The following WDR27 variants were observed in gnomAD, a reference collection of about 807,000 sequenced individuals.
The protein encoded by WDR27 is WD repeat-containing protein 27.
WDR27 carries 100 observed loss-of-function variants against 114.4 expected under a neutral mutation model. The ratio of observed to expected loss-of-function variants is 0.87; its 90% CI spans 0.74 to 1.03. WDR27 has a LOEUF of 1.03. WDR27 is among the 50% of genes least tolerant of loss of function. The probability of loss-of-function intolerance (pLI) is 0.00; values close to 1 mark genes in which losing one functional copy is unlikely to be tolerated. For synonymous variants in WDR27, 449 were observed against 423.1 expected (o/e 1.06, Z -0.75); for missense variants, 1,129 against 1,092.9 (o/e 1.03, Z -0.47).
intron 2 of WDR27, among the ~76,000 whole-genome samples, chr6:169,688,563 C>G (rs1783654245): frequency 6.6e-6 from 1 of 151,842 alleles, no homozygotes; most frequent in Admixed American, 6.6e-5. Context: ...TAAGATGAAC[C>G]TTTTCAATCA....
downstream of WDR27, among the ~76,000 whole-genome samples, chr6:169,453,305 C>T (rs1301978943): frequency 6.6e-6 from 1 of 152,116 alleles, no homozygotes; most frequent in Non-Finnish European, 1.5e-5. Flanking sequence ...ATCCCATTTT[C>T]CAAGACTCAG....
intron 25 of WDR27, among the ~76,000 whole-genome samples, chr6:169,507,881 C>G (rs1792216954): frequency 6.6e-6 from 1 of 152,218 alleles, no homozygotes. Flanking sequence ...AGCTTCACAA[C>G]TGTGCTAGCC....
At chr6:169,674,090 T>C (rs1779474602) in intron 2 of WDR27, among the ~76,000 whole-genome samples, 1 of 152,194 alleles carries the variant, frequency 6.6e-6, no homozygotes, top group Non-Finnish European at 1.5e-5. Flanking sequence ...GAAGCTAACA[T>C]AAATCTGATT....
At chr6:169,678,017 G>A (rs767847369) in intron 2 of WDR27, among the ~76,000 whole-genome samples, 10 of 152,246 alleles carry the variant, frequency 6.6e-5, no homozygotes, top group Non-Finnish European at 1.5e-4. Flanking sequence ...AGCCTTCACA[G>A]AGAGCTTCTA....
intron 25 of WDR27, among the ~76,000 whole-genome samples, chr6:169,526,865 C>T (rs1053399003): frequency 6.6e-6 from 1 of 152,046 alleles, no homozygotes; most frequent in African/African-American, 2.4e-5. Flanking sequence ...AGACATTTCT[C>T]CAAAGAAGAT....
At chr6:169,502,074 C>A (rs542068007) in intron 25 of WDR27, among the ~76,000 whole-genome samples, 3 of 152,350 alleles carry the variant, frequency 2.0e-5, no homozygotes, top group South Asian at 2.1e-4. Context: ...CACCTCCCCC[C>A]AGGCTAGGGC....
At chr6:169,506,038 C>G (rs1039708133) in intron 25 of WDR27, among the ~76,000 whole-genome samples, 2 of 152,208 alleles carry the variant, frequency 1.3e-5, no homozygotes, top group African/African-American at 4.8e-5. Flanking sequence ...CAGAAGTTAA[C>G]TCTACAGCAG....
chr6:169,584,053 A>ATATCTCCC (rs1804087084), intron 23 of WDR27, among the ~76,000 whole-genome samples: 1 of 20,296 alleles, frequency 4.9e-5, no homozygotes, highest in East Asian at 2.6e-3. Flanking sequence ...CCTTTGACCC[A>ATATCTCCC]CATCTCCCCC....
chr6:169,679,654 C>T (rs1315671692), intron 2 of WDR27, among the ~76,000 whole-genome samples: 1 of 152,192 alleles, frequency 6.6e-6, no homozygotes, highest in Non-Finnish European at 1.5e-5. Flanking sequence ...AGTACCTGCT[C>T]CCTCTTCACC....
intron 24 of WDR27, among the ~76,000 whole-genome samples, chr6:169,575,792 AAAC>A (rs1445716275): frequency 6.6e-6 from 1 of 152,250 alleles, no homozygotes; most frequent in African/African-American, 2.4e-5. Context: ...GCATGATTTT[AAAC>A]AACATTATGT....
At chr6:169,594,492 C>G (rs1385563164) in intron 23 of WDR27, among the ~76,000 whole-genome samples, 1 of 152,122 alleles carries the variant, frequency 6.6e-6, no homozygotes, top group Non-Finnish European at 1.5e-5. Context: ...TGCACTTGAC[C>G]TGCCAAGGAC....
intron 25 of WDR27, among the ~76,000 whole-genome samples, chr6:169,534,985 T>C (rs575693764): frequency 9.3e-5 from 14 of 149,788 alleles, no homozygotes; most frequent in African/African-American, 3.4e-4. Flanking sequence ...AAAAAAAAAC[T>C]TGTCTAGAAA....
chr6:169,559,867 A>G (rs956535786), intron 25 of WDR27: 70 of 152,332 alleles, frequency 4.6e-4, no homozygotes, highest in African/African-American at 1.7e-3. Context: ...TTGCGTGTCC[A>G]CTTACCCACT....
chr6:169,430,263 C>T, the WDR27 span, among the ~76,000 whole-genome samples: 2 of 152,252 alleles, frequency 1.3e-5, no homozygotes, highest in Non-Finnish European at 2.9e-5. Flanking sequence ...ACCCGCCTAC[C>T]TGCTACAGGG....
chr6:169,651,183 C>CGGGGGGGGGGGGGGGGGGGGGGGGG (rs763059214), intron 14 of WDR27, among the ~76,000 whole-genome samples: 1 of 7,718 alleles, frequency 1.3e-4, no homozygotes, highest in Non-Finnish European at 2.5e-4. Flanking sequence ...CAGTGCGGGG[C>CGGGGGGGGGGGGGGGGGGGGGGGGG]GGGGGGGGGG....
At chr6:169,644,314 A>G (rs1263001682) in intron 16 of WDR27, among the ~76,000 whole-genome samples, 2 of 148,838 alleles carry the variant, frequency 1.3e-5, no homozygotes, top group Admixed American at 1.3e-4. Context: ...GTCACACTGT[A>G]GAAAAGCCTA....
At chr6:169,529,252 CCACA>C (rs1392541256) in intron 25 of WDR27, among the ~76,000 whole-genome samples, 4 of 149,282 alleles carry the variant, frequency 2.7e-5, no homozygotes, top group South Asian at 4.3e-4. Context: ...GCATACACAC[CCACA>C]CATTCAGGGA....
intron 21 of WDR27, among the ~76,000 whole-genome samples, chr6:169,628,646 C>T (rs186480369): frequency 2.0e-5 from 3 of 152,324 alleles, no homozygotes; most frequent in African/African-American, 7.2e-5. Context: ...CCTCCCAGGA[C>T]AGGATGGCTG....
chr6:169,558,356 T>G (rs1371883274), intron 25 of WDR27: 5 of 152,126 alleles, frequency 3.3e-5, no homozygotes, highest in Non-Finnish European at 7.3e-5. Flanking sequence ...ATTAGTAATA[T>G]GTAATAATTC....
Sources: allele counts gnomAD v4.1 joint callset (sites outside exome capture counted in the v4.1 genomes callset), GRCh38; gene constraint gnomAD v4.1.1; transcripts MANE v1.5; gene names NCBI Gene and HGNC (gene_info 2026-07-23, HGNC 2026-07-21).